BCAS3: variants seen among roughly 807,000 people sequenced by gnomAD.
BCAS3 encodes BCAS3 microtubule associated cell migration factor.
In BCAS3, 53 loss-of-function variants were observed where a neutral mutation model predicts 116.1. The ratio of observed to expected loss-of-function variants is 0.46; its 90% CI spans 0.37 to 0.57. The LOEUF is 0.57. Ranked by LOEUF, BCAS3 falls within the 20% of genes least tolerant of loss-of-function variation. The pLI is 0.00. For synonymous variants in BCAS3, 391 were observed against 408.2 expected, an observed-to-expected ratio of 0.96 and a Z score of 0.51; for missense variants, 917 against 1,165.4, an observed-to-expected ratio of 0.79 and a Z score of 3.10.
chr17:60,778,458 A>G (rs2045508648), intron 6 of BCAS3, among the ~76,000 whole-genome samples: 1 of 152,228 alleles, frequency 6.6e-6, no homozygotes, highest in Non-Finnish European at 1.5e-5. Context: ...TCTGTAATTG[A>G]ATAAATCCTT....
intron 19 of BCAS3, among the ~76,000 whole-genome samples, chr17:61,067,753 A>G (rs2070877399): frequency 1.3e-5 from 2 of 149,700 alleles, no homozygotes; most frequent in Admixed American, 1.3e-4. Flanking sequence ...ATATATATAT[A>G]TATAGAAACA....
intron 13 of BCAS3, among the ~76,000 whole-genome samples, chr17:60,940,546 C>T (rs745869955): frequency 2.6e-5 from 4 of 152,120 alleles, no homozygotes; most frequent in African/African-American, 4.8e-5. Flanking sequence ...AGGAGGTTAA[C>T]GCTTTCTTTC....
rs148471022 is a variant in BCAS3 at position 60,750,540 on chromosome 17, C to T, written c.403+3261C>T. Among the ~76,000 whole-genome samples the T allele has an allele frequency of 1.6e-4, 25 of 152,200 alleles. No individual in the cohort carries two copies. The East Asian group carries it at 4.6e-3, about 28-fold the overall frequency. On this transcript the variant is annotated intron_variant, in intron 6 of 23. Coordinates refer to ENST00000407086, the MANE Select transcript of BCAS3 (RefSeq NM_017679.5). ...AGGATATGAAAGTGTCGTTATTCATCGATAACATGATTGTGTACATAGAAA... is the reference window on the plus strand; with the variant it reads ...AGGATATGAAAGTGTCGTTATTCATTGATAACATGATTGTGTACATAGAAA...
chr17:61,371,475 G>A (rs903685333), intron 23 of BCAS3, among the ~76,000 whole-genome samples: 1 of 152,164 alleles, frequency 6.6e-6, no homozygotes, highest in African/African-American at 2.4e-5. Context: ...CACAGTTTCA[G>A]TCAGATGAGA....
chr17:60,678,432 G>A (rs1438897898), intron 1 of BCAS3, among the ~76,000 whole-genome samples: 1 of 152,102 alleles, frequency 6.6e-6, no homozygotes, highest in African/African-American at 2.4e-5. Context: ...GCTTCCCTGA[G>A]CCCTGTAAGA....
At chr17:60,982,560 C>CT (rs1412231017) in intron 14 of BCAS3, among the ~76,000 whole-genome samples, 1 of 152,074 alleles carries the variant, frequency 6.6e-6, no homozygotes, top group African/African-American at 2.4e-5. Context: ...ATGGATTTTT[C>CT]TTAAGGGAAG....
At chr17:61,069,706 C>T (rs777612009) in intron 19 of BCAS3, 31 of 542,810 alleles carry the variant, frequency 5.7e-5, no homozygotes, top group African/African-American at 1.5e-4. Context: ...GGCATGGTGG[C>T]GCACGCCTGT....
rs911925223 is a variant in BCAS3 at position 60,956,737 on chromosome 17, A to G, written c.1221+9385A>G. ...GATTATGCTCTAGAACACACTCTGT[A>G]TGGGAGACTGGGAATTTCTAAACCC... On this transcript the variant is annotated intron_variant, in intron 14 of 23. Coordinates refer to ENST00000407086, the MANE Select transcript of BCAS3 (RefSeq NM_017679.5). This position sits in a 1 kb window ranked among gnomAD's most constrained non-coding sequence, Gnocchi z 4.2. Among the ~76,000 whole-genome samples the G allele has an allele frequency of 2.0e-5, 3 of 152,190 alleles. No individual in the cohort carries two copies. The highest frequency in any genetic ancestry group is 7.2e-5 in the African/African-American group (3 of 41,452).
chr17:60,749,076 G>T (rs564985827), intron 6 of BCAS3: 73 of 152,154 alleles, frequency 4.8e-4, no homozygotes, highest in African/African-American at 1.7e-3. Context: ...AAAGTTATAC[G>T]TGCAAATGAT....
Position 61,388,471 on chromosome 17 carries a change from GTCC to G in BCAS3, c.2594-3501_2594-3499del. 1.5e-6 allele frequency: 1 copy of G among 672,910 alleles called. No individual in the cohort carries two copies. Among genetic ancestry groups the G allele is most frequent in the Admixed American group, 2.7e-5 (1 of 37,288 alleles). 41.7% of individuals were successfully genotyped at this position (672,910 alleles called of 1,614,324 possible). ...CCAGCCCCTACACATGCATGTCACT[GTCC>G]TCCTTGACTGCAAACTCCCCCTCCT... On this transcript the variant is annotated intron_variant, in intron 23 of 23. Coordinates refer to ENST00000407086, the MANE Select transcript of BCAS3 (RefSeq NM_017679.5). This position sits in a 1 kb window ranked among gnomAD's most constrained non-coding sequence, Gnocchi z 6.5.
intron 19 of BCAS3, among the ~76,000 whole-genome samples, chr17:61,066,806 A>G (rs949897752): frequency 3.9e-5 from 6 of 152,128 alleles, no homozygotes; most frequent in Non-Finnish European, 7.4e-5. Context: ...AAATTTTTCT[A>G]GGAATGGTAA....
intron 6 of BCAS3, among the ~76,000 whole-genome samples, chr17:60,770,808 C>T (rs960871788): frequency 2.1e-5 from 3 of 143,722 alleles, no homozygotes; most frequent in African/African-American, 5.0e-5. Context: ...CAGTAGTCAG[C>T]GATCTTGAAC....
At chr17:61,036,481 G>A (rs1022649141) in intron 17 of BCAS3, 5 of 151,962 alleles carry the variant, frequency 3.3e-5, no homozygotes, top group African/African-American at 9.7e-5. Context: ...TGATGCTATC[G>A]AAAGGACTTT....
In BCAS3 at chr17:61,307,008, A is replaced by C. The variant is rs2053906768; in HGVS notation, c.2426-61319A>C. On this transcript the variant is annotated intron_variant, in intron 22 of 23. Coordinates refer to ENST00000407086, the MANE Select transcript of BCAS3 (RefSeq NM_017679.5). The surrounding 1 kb of genome is among the most constrained non-coding windows in gnomAD (Gnocchi z 4.7). ...CTCTGGGTCTCTTGGCCAATTTGGC[A>C]TCAGGGCTCTGGGCCTTTGCCCCCA... 6.6e-6 allele frequency among the ~76,000 whole-genome samples: 1 copy of C among 152,236 alleles called. No individual in the cohort carries two copies. The highest frequency in any genetic ancestry group is 6.5e-5 in the Admixed American group (1 of 15,286).
intron 14 of BCAS3, among the ~76,000 whole-genome samples, chr17:60,988,299 G>T (rs1231302): frequency 1 from 145,600 of 145,996 alleles, 72,604 homozygotes; most frequent in Middle Eastern, 1. Context: ...AGTCTTGTCT[G>T]GTCTTGTCTT....
At chr17:61,058,913 T>C (rs1021314143) in intron 19 of BCAS3, among the ~76,000 whole-genome samples, 1 of 151,992 alleles carries the variant, frequency 6.6e-6, no homozygotes, top group Non-Finnish European at 1.5e-5. Context: ...TAGTAGGTAA[T>C]GAAGTGATAA....
chr17:61,230,959 CTTT>C (rs763299746), intron 22 of BCAS3, among the ~76,000 whole-genome samples: 38 of 121,842 alleles, frequency 3.1e-4, no homozygotes, highest in African/African-American at 1.0e-3. Context: ...TAGTTTTTGC[CTTT>C]TTTTTTTTTT....
At chr17:61,111,989 C>A in intron 22 of BCAS3, among the ~76,000 whole-genome samples, 1 of 9,118 alleles carries the variant, frequency 1.1e-4, no homozygotes, top group African/African-American at 1.2e-4. Context: ...CCAAACTAAG[C>A]TTCATAAGTG....
intron 22 of BCAS3, among the ~76,000 whole-genome samples, chr17:61,206,570 C>T (rs889771147): frequency 6.6e-6 from 1 of 151,796 alleles, no homozygotes; most frequent in Admixed American, 6.6e-5. Context: ...GAGGCCAAGG[C>T]GGATGGATCA....
Sources: allele counts gnomAD v4.1 joint callset (sites outside exome capture counted in the v4.1 genomes callset), GRCh38; gene constraint gnomAD v4.1.1; non-coding constraint Gnocchi (gnomAD v3.1); transcripts MANE v1.5; gene names NCBI Gene and HGNC (gene_info 2026-07-23, HGNC 2026-07-21).